Variants in ROBO2 observed in about 807,000 individuals in gnomAD.
ROBO2 encodes the protein roundabout guidance receptor 2.
ROBO2 carries 53 observed loss-of-function variants against 160.8 expected under a neutral mutation model. The ratio of observed to expected loss-of-function variants is 0.33; its 90% CI spans 0.26 to 0.41. The LOEUF is 0.41. Ranked by LOEUF, ROBO2 falls within the 10% of genes least tolerant of loss-of-function variation. ROBO2 has a pLI of 1.00. For missense variants in ROBO2, 1,577 were observed against 1,722.4 expected (o/e 0.92, Z 1.49); for synonymous variants, 664 against 611.7 (o/e 1.09, Z -1.26).
chr3:76,538,066 G>T (rs564951219), intron 2 of ROBO2, among the ~76,000 whole-genome samples: 91 of 151,990 alleles, frequency 6.0e-4, no homozygotes, highest in African/African-American at 2.0e-3. Flanking sequence ...TCCAGATTTC[G>T]TGGCTCCTGC....
At chr3:77,561,029 T>G (rs1382195862) in intron 9 of ROBO2, among the ~76,000 whole-genome samples, 3 of 152,084 alleles carry the variant, frequency 2.0e-5, no homozygotes, top group Non-Finnish European at 1.5e-5. Flanking sequence ...ACAATGGCTA[T>G]CCCCATCTTC....
chr3:77,066,913 A>G (rs932316431), intron 1 of ROBO2, among the ~76,000 whole-genome samples: 1 of 151,888 alleles, frequency 6.6e-6, no homozygotes, highest in Non-Finnish European at 1.5e-5. Context: ...TAGTTTGCAA[A>G]TGTTTGACTC....
chr3:76,122,249 T>C (rs10212576), intron 2 of ROBO2, among the ~76,000 whole-genome samples: 11,544 of 152,274 alleles, frequency 0.076, 764 homozygotes, highest in East Asian at 0.37. Flanking sequence ...TTATTTATTT[T>C]CTCTGTGGCT....
chr3:76,084,090 C>A (rs1244014882), intron 2 of ROBO2, among the ~76,000 whole-genome samples: 1 of 152,092 alleles, frequency 6.6e-6, no homozygotes, highest in Non-Finnish European at 1.5e-5. Context: ...TAGGAAAAAG[C>A]AGACACTTTT....
At chr3:77,328,581 T>G (rs1358028046) in intron 2 of ROBO2, among the ~76,000 whole-genome samples, 1 of 152,190 alleles carries the variant, frequency 6.6e-6, no homozygotes, top group Non-Finnish European at 1.5e-5. Context: ...GTTTAACTTA[T>G]AGTAATGATG....
At chr3:76,205,049 G>A (rs1394900735) in intron 2 of ROBO2, among the ~76,000 whole-genome samples, 1 of 152,034 alleles carries the variant, frequency 6.6e-6, no homozygotes, top group African/African-American at 2.4e-5. Flanking sequence ...TAGATGGCTT[G>A]GATAAAGGCC....
chr3:77,307,416 G>T (rs2063185689), intron 2 of ROBO2, among the ~76,000 whole-genome samples: 1 of 152,018 alleles, frequency 6.6e-6, no homozygotes, highest in African/African-American at 2.4e-5. Flanking sequence ...AAGCATACAG[G>T]GGTGAAGTGA....
Position 76,990,225 on chromosome 3 carries a change from AC to A in ROBO2, c.110-107787del, listed in dbSNP as rs534695288. On this transcript the variant is annotated intron_variant, in intron 2 of 26. Coordinates refer to the ROBO2 transcript ENST00000487694. Reference sequence around the variant, plus strand: ...CTCTTTCAAAATGACTGTTCTGAAAACCTTAGCTTTTCTTAGCTGGTCTTTC... The same window carrying A: ...CTCTTTCAAAATGACTGTTCTGAAAACTTAGCTTTTCTTAGCTGGTCTTTC... Among the ~76,000 whole-genome samples the A allele has an allele frequency of 2.6e-3, 402 of 152,252 alleles. 4 individuals are homozygous for A. The highest frequency in any genetic ancestry group is 3.5e-3 in the Non-Finnish European group (235 of 68,008).
intron 2 of ROBO2, among the ~76,000 whole-genome samples, chr3:76,996,650 G>T (rs1281434468): frequency 6.6e-6 from 1 of 151,848 alleles, no homozygotes; most frequent in Non-Finnish European, 1.5e-5. Context: ...TGTCCCATCA[G>T]CCATTTTAAA....
intron 2 of ROBO2, among the ~76,000 whole-genome samples, chr3:77,433,961 C>T (rs780326465): frequency 2.0e-5 from 3 of 152,068 alleles, no homozygotes; most frequent in Non-Finnish European, 4.4e-5. Flanking sequence ...CCATCACTCT[C>T]GTCAAAGCAG....
chr3:76,447,799 A>G (rs1365451244), intron 2 of ROBO2, among the ~76,000 whole-genome samples: 1 of 148,746 alleles, frequency 6.7e-6, no homozygotes, highest in Non-Finnish European at 1.5e-5. Flanking sequence ...AGGACAAAAA[A>G]CCAAGCACTG....
intron 2 of ROBO2, among the ~76,000 whole-genome samples, chr3:76,762,907 T>C (rs1046826171): frequency 6.6e-6 from 1 of 151,670 alleles, no homozygotes; most frequent in African/African-American, 2.4e-5. Flanking sequence ...CCCAACCTCT[T>C]TCATTCATAT....
intron 6 of ROBO2, among the ~76,000 whole-genome samples, chr3:77,526,594 A>G (rs534522541): frequency 6.6e-6 from 1 of 151,726 alleles, no homozygotes; most frequent in Non-Finnish European, 1.5e-5. Flanking sequence ...CATTTTTAAA[A>G]AAGGATTATG....
At position 77,221,859 on chromosome 3, in the gene ROBO2, T is replaced by TC. The variant is rs1220349930; in HGVS notation, c.388+123519_388+123520insC. ...TTTCTTTTCTTTTTCTTTTTCTTTT[T>TC]TTTTTTTTTTTTGAGACAGAGTCTT... is the stretch of plus-strand genomic sequence containing the variant. On this transcript the variant is annotated intron_variant, in intron 2 of 25. Coordinates refer to ENST00000461745, the Ensembl canonical transcript of ROBO2. 1.7e-3 allele frequency among the ~76,000 whole-genome samples: 238 copies of TC among 142,636 alleles called. 1 individual carries two copies. Among genetic ancestry groups the TC allele is most frequent in the South Asian group, 4.1e-3 (19 of 4,616 alleles). The allele number at this position is 142,636 out of a possible 152,430, so 93.6% of individuals were successfully genotyped here.
chr3:76,910,552 C>T (rs1417921888), intron 2 of ROBO2, among the ~76,000 whole-genome samples: 1 of 151,358 alleles, frequency 6.6e-6, no homozygotes, highest in African/African-American at 2.4e-5. Context: ...ATGGTGAAAC[C>T]CCGTCTCTGC....
intron 2 of ROBO2, among the ~76,000 whole-genome samples, chr3:76,141,060 C>CATATATATATATATATATATATAT (rs55691222): frequency 0.057 from 3,021 of 53,206 alleles, 281 homozygotes; most frequent in Non-Finnish European, 0.068. Flanking sequence ...TTTTTACATA[C>CATATATATATATATATATATATAT]ATATATATAT....
At position 77,046,458 on chromosome 3, in the gene ROBO2, G is replaced by A. The variant is rs375432825; in HGVS notation, c.61+5612G>A. Among the ~76,000 whole-genome samples the A allele has an allele frequency of 3.3e-5, 5 of 152,190 alleles. No individual in the cohort carries two copies. In the East Asian group the frequency reaches 5.8e-4, roughly 18 times the overall value. ...CTTGTCACTTTTAGCAGAGATCTCA[G>A]CAATAGTAAATATAAATCATAGAAT... On this transcript the variant is annotated intron_variant, in intron 1 of 25. Transcript: ENST00000461745.
chr3:77,486,624 C>A lies in ROBO2; in HGVS notation c.667+5405C>A, dbSNP rs185868712. Among the ~76,000 whole-genome samples the A allele has an allele frequency of 5.2e-3, 788 of 152,072 alleles. 6 individuals carry two copies. Among genetic ancestry groups the A allele is most frequent in the African/African-American group, 0.016 (666 of 41,498 alleles). ...TTTTTAATGGGGTTGTTTGTTTTTT[C>A]TTGTAAATTTGTTTAAGTTCCTTGT... On this transcript the variant is annotated intron_variant, in intron 4 of 25. Transcript: ENST00000461745.
intron 2 of ROBO2, among the ~76,000 whole-genome samples, chr3:76,988,673 T>C (rs2149360070): frequency 6.6e-6 from 1 of 152,264 alleles, no homozygotes; most frequent in East Asian, 1.9e-4. Context: ...AATACCACTG[T>C]TATTCCCAGT....
Sources: gnomAD v4.1 joint callset for allele counts (sites outside exome capture counted in the v4.1 genomes callset) on GRCh38, gnomAD v4.1.1 for gene constraint, MANE v1.5 for transcripts, NCBI Gene and HGNC (gene_info 2026-07-23, HGNC 2026-07-21) for gene names.